PRKD2: variants seen among roughly 807,000 people sequenced by gnomAD.
PRKD2 encodes serine/threonine-protein kinase D2.
A neutral mutation model predicts 86.0 loss-of-function variants in PRKD2; 22 were observed. That is an observed-to-expected ratio of 0.26 (90% CI 0.18 to 0.37). The LOEUF is 0.37. PRKD2 is among the 10% of genes least tolerant of loss of function. The probability of loss-of-function intolerance (pLI) is 1.00; values close to 1 mark genes in which losing one functional copy is unlikely to be tolerated. For missense variants in PRKD2, 818 were observed against 1,199.2 expected, an observed-to-expected ratio of 0.68 and a Z score of 4.70; for synonymous variants, 509 against 510.9, an observed-to-expected ratio of 1.00 and a Z score of 0.05.
At chr19:46,703,511 C>T (rs1041549132) in intron 5 of PRKD2, among the ~76,000 whole-genome samples, 1 of 151,924 alleles carries the variant, frequency 6.6e-6, no homozygotes, top group Non-Finnish European at 1.5e-5. Flanking sequence ...GTGGCTCACG[C>T]CTGTAATCCC....
At chr19:46,708,986 T>TG in intron 3 of PRKD2, among the ~76,000 whole-genome samples, 1 of 149,938 alleles carries the variant, frequency 6.7e-6, no homozygotes, top group Non-Finnish European at 1.5e-5. Context: ...TTTTTTTTTT[T>TG]TTTTTTTTTG....
intron 14 of PRKD2, among the ~76,000 whole-genome samples, chr19:46,683,171 T>C (rs2053337179): frequency 6.6e-6 from 1 of 150,376 alleles, no homozygotes; most frequent in African/African-American, 2.4e-5. Context: ...GATTCCTTTT[T>C]TTTTTTTTTT....
At chr19:46,699,228 C>G (rs557662743) in intron 7 of PRKD2, among the ~76,000 whole-genome samples, 56 of 152,140 alleles carry the variant, frequency 3.7e-4, no homozygotes, top group Non-Finnish European at 1.8e-4. Context: ...CTCCTTCCCT[C>G]CCCTCCCTTC....
In PRKD2 at chr19:46,680,845, A is replaced by G. The variant is rs1170700563; in HGVS notation, c.2070+805T>C. 2.0e-5 allele frequency among the ~76,000 whole-genome samples: 3 copies of G among 149,606 alleles called. No individual in the cohort carries two copies. The East Asian group carries it at 5.8e-4, about 29-fold the overall frequency. ...TGGCCTCCCAAAGTGCGGGGATTAT[A>G]GGCATGAGCCACCTCCCCTGGCCTT... is the stretch of plus-strand genomic sequence containing the variant. On this transcript the variant is annotated intron_variant, in intron 15 of 17. Coordinates refer to ENST00000291281, the MANE Select transcript of PRKD2 (RefSeq NM_016457.5).
chr19:46,704,624 G>A lies in PRKD2; in HGVS notation c.537C>T (p.Arg179=). 2 of 1,612,312 alleles carry A rather than the reference G, an allele frequency of 1.2e-6. No homozygotes were observed. Among genetic ancestry groups the A allele is most frequent in the Non-Finnish European group, 1.7e-6 (2 of 1,178,972 alleles). Reference sequence around the variant, plus strand: ...AGTTGTTGGGGATGCTGAAGGCACAGCGCTTGTGGTAGTTCAGCCCGCAGC... The same window carrying A: ...AGTTGTTGGGGATGCTGAAGGCACAACGCTTGTGGTAGTTCAGCCCGCAGC... ...CDGCGLNYHK[R]CAFSIPNNCS... Residue 179 remains arginine, a synonymous_variant, in exon 4 of 18, where the codon CGC becomes CGT. Coordinates refer to ENST00000291281, the MANE Select transcript of PRKD2 (RefSeq NM_016457.5).
chr19:46,687,533 C>A (rs1344513681), intron 14 of PRKD2, among the ~76,000 whole-genome samples: 1 of 152,178 alleles, frequency 6.6e-6, no homozygotes, highest in African/African-American at 2.4e-5. Flanking sequence ...TATTTGATGT[C>A]TCTGACCCTC....
chr19:46,674,792 A>G, intron 17 of PRKD2, 57 bp from the exon 18 acceptor site: 3 of 1,536,666 alleles, frequency 2.0e-6, no homozygotes, highest in Non-Finnish European at 2.6e-6. Context: ...GTGCCTGGAT[A>G]TCCTCTGGTT....
chr19:46,709,940 C>T (rs1043371246), intron 3 of PRKD2, among the ~76,000 whole-genome samples: 3 of 152,038 alleles, frequency 2.0e-5, no homozygotes, highest in African/African-American at 7.2e-5. Flanking sequence ...ACTCTATCAC[C>T]AGGCTGGAGT....
At chr19:46,677,172 G>C (rs1439977082) in intron 16 of PRKD2, 1 of 151,820 alleles carries the variant, frequency 6.6e-6, no homozygotes, top group Non-Finnish European at 1.5e-5. Context: ...CCAAGACCTT[G>C]TCTTGTCCTG....
intron 14 of PRKD2, among the ~76,000 whole-genome samples, chr19:46,682,476 C>T (rs1471026245): frequency 6.6e-6 from 1 of 151,996 alleles, no homozygotes; most frequent in Non-Finnish European, 1.5e-5. Context: ...TGCCTTCCTA[C>T]ACACCCCTGC....
At chr19:46,681,585 C>CCA in intron 15 of PRKD2, 65 bp downstream of exon 15, 1 of 432,568 alleles carries the variant, frequency 2.3e-6, no homozygotes, top group Admixed American at 3.1e-5. Context: ...AATCCCCTTC[C>CCA]CCACCCCCAC....
At chr19:46,679,515 T>C (rs1157094288) in intron 15 of PRKD2, among the ~76,000 whole-genome samples, 1 of 152,200 alleles carries the variant, frequency 6.6e-6, no homozygotes, top group Non-Finnish European at 1.5e-5. Context: ...GTCATCTGTA[T>C]TGGGGGGTTG....
At chr19:46,690,558 A>G (rs1486067134) in intron 13 of PRKD2, 42 bp downstream of exon 13, 31 of 1,593,130 alleles carry the variant, frequency 1.9e-5, no homozygotes, top group Non-Finnish European at 2.7e-5. Context: ...CAGCTGGCCC[A>G]TGAAAGGAAG....
rs749542989 is a variant in PRKD2 at position 46,711,004 on chromosome 19, C to T, written c.414G>A (p.Pro138=). 2.5e-6 allele frequency: 4 copies of T among 1,580,664 alleles called. No homozygotes were observed. The highest frequency in any genetic ancestry group is 1.8e-5 in the Admixed American group (1 of 54,834). ...SATFEDFQIR[P]HALTVHSYRA... ...GATAGGAGTGCACCGTGAGGGCGTG[C>T]GGGCGGATCTGGAAGTCCTCGAAGG... Residue 138 remains proline, a synonymous_variant, in exon 3 of 18, where the codon CCG becomes CCA. Coordinates refer to ENST00000291281, the MANE Select transcript of PRKD2 (RefSeq NM_016457.5).
chr19:46,680,941 TATA>T (rs1458267488), intron 15 of PRKD2, among the ~76,000 whole-genome samples: 6,514 of 59,326 alleles, frequency 0.11, 380 homozygotes, highest in Non-Finnish European at 0.15. Flanking sequence ...TATATATATA[TATA>T]TATTTTTTTT....
rs144835599 is a variant in PRKD2, at chr19:46,693,994, G to A, written c.1457C>T (p.Pro486Leu). 1,698 of 1,613,648 alleles carry A rather than the reference G, an allele frequency of 1.1e-3. 3 individuals are homozygous for A. Among genetic ancestry groups the A allele is most frequent in the Non-Finnish European group, 1.2e-3 (1,421 of 1,180,006 alleles). The change falls in exon 10 of 18, where the codon CCG (proline) becomes CTG (leucine). Residue 486 changes from proline (P) to leucine (L), a missense_variant. Transcript: ENST00000291281. The surrounding 1 kb of genome is among the most constrained non-coding windows in gnomAD (Gnocchi z 4.5). ...YFVGEMPGGT[P>L]GGPSGQGAEA... ...AGCCCCCTGCCCACTTGGCCCACCC[G>A]GAGTCCCGCCAGGCATCTCGCCCAC... is the stretch of plus-strand genomic sequence containing the variant.
rs566896747 is a variant in PRKD2 at position 46,705,325 on chromosome 19, C to T, written c.512-676G>A. Among the ~76,000 whole-genome samples, 17 of 152,036 alleles carry T rather than the reference C, an allele frequency of 1.1e-4. No homozygotes were observed. In the East Asian group the frequency reaches 3.3e-3, roughly 29 times the overall value. ...ACCCTGACCTTCCTTTTTCTGAGGCCCCTTTGGTTCCCCCTCTTTCCCCAA... is the reference window on the plus strand; with the variant it reads ...ACCCTGACCTTCCTTTTTCTGAGGCTCCTTTGGTTCCCCCTCTTTCCCCAA... On this transcript the variant is annotated intron_variant, in intron 3 of 17. Transcript: ENST00000291281.
intron 7 of PRKD2, among the ~76,000 whole-genome samples, chr19:46,698,949 G>T (rs546269626): frequency 2.6e-5 from 4 of 152,170 alleles, no homozygotes; most frequent in Admixed American, 2.6e-4. Flanking sequence ...AGTGTATGAC[G>T]GTGTTACTAG....
chr19:46,677,540 T>C (rs2053227291), intron 16 of PRKD2: 1 of 152,566 alleles, frequency 6.6e-6, no homozygotes, highest in Non-Finnish European at 1.5e-5. Flanking sequence ...CCCAGTATCT[T>C]AGCCCTGCCT....
Sources: allele counts gnomAD v4.1 joint callset (sites outside exome capture counted in the v4.1 genomes callset), GRCh38; gene constraint gnomAD v4.1.1; non-coding constraint Gnocchi (gnomAD v3.1); transcripts MANE v1.5; gene names NCBI Gene and HGNC (gene_info 2026-07-23, HGNC 2026-07-21).